The following SFXN2 variants were observed in gnomAD, a reference collection of about 807,000 sequenced individuals.
SFXN2 encodes sideroflexin-2.
SFXN2 carries 37 observed loss-of-function variants against 41.9 expected under a neutral mutation model. That is an observed-to-expected ratio of 0.88 (90% CI 0.68 to 1.16). The LOEUF is 1.16. Among genes scored for constraint, SFXN2 ranks in the 50% most tolerant of loss-of-function variants. SFXN2 has a pLI of 0.00. For missense variants in SFXN2, 386 were observed against 425.2 expected (o/e 0.91, Z 0.81); for synonymous variants, 150 against 156.7 (o/e 0.96, Z 0.32).
chr10:102,740,334 C>T lies in SFXN2; in HGVS notation c.*2572C>T, dbSNP rs1249646665. 6.6e-6 allele frequency: 1 copy of T among 152,188 alleles called. No individual in the cohort carries two copies. The highest frequency in any genetic ancestry group is 1.5e-5 in the Non-Finnish European group (1 of 68,056). The allele number at this position is 152,188 out of a possible 1,614,324, so 9.4% of individuals were successfully genotyped here. The stretch of plus-strand genomic sequence containing the variant: ...CAATCACTGCTCATTGCAGCCTCAA[C>T]CTCCTGAGCTCAAGTAATCCTCCTG... On this transcript the variant is annotated 3_prime_UTR_variant, in exon 12 of 12. Coordinates refer to ENST00000369893, the MANE Select transcript of SFXN2 (RefSeq NM_178858.6).
rs964464686 is a variant in SFXN2 at position 102,739,303 on chromosome 10, G to T, written c.*1541G>T. On this transcript the variant is annotated 3_prime_UTR_variant, in exon 12 of 12. Transcript: ENST00000369893. ...ACTATATAAGGGGAACTTGTCTGAT[G>T]CCTGGAGGCTGTTGTTTATTTCCCT... 2 of 152,074 alleles carry T rather than the reference G, an allele frequency of 1.3e-5. No individual in the cohort carries two copies. The highest frequency in any genetic ancestry group is 1.3e-4 in the Admixed American group (2 of 15,260). The allele number at this position is 152,074 out of a possible 1,614,324, so 9.4% of individuals were successfully genotyped here.
chr10:102,735,058 C>G (rs1050598124), intron 10 of SFXN2, among the ~76,000 whole-genome samples: 2 of 151,862 alleles, frequency 1.3e-5, no homozygotes, highest in African/African-American at 2.4e-5. Context: ...CACTCCTCCC[C>G]CTCCATAGTG....
intron 1 of SFXN2, among the ~76,000 whole-genome samples, chr10:102,725,426 G>A (rs2265736): frequency 1 from 152,102 of 152,376 alleles, 75,914 homozygotes; most frequent in East Asian, 1. Flanking sequence ...AGACCTTGTT[G>A]AGAAGAATAA....
chr10:102,737,772 T>A lies in SFXN2; in HGVS notation c.*10T>A. The A allele has an allele frequency of 6.3e-7, 1 of 1,580,104 alleles. No individual in the cohort carries two copies. Among genetic ancestry groups the A allele is most frequent in the Non-Finnish European group, 8.7e-7 (1 of 1,149,620 alleles). On this transcript the variant is annotated 3_prime_UTR_variant, in exon 12 of 12. Transcript: ENST00000369893. Reference sequence around the variant, plus strand: ...CAATAAGGGTCTCTAAATGCCCCACTTCAGCAAGGACCAGTCTATTCCCAT... The same window carrying A: ...CAATAAGGGTCTCTAAATGCCCCACATCAGCAAGGACCAGTCTATTCCCAT...
intron 6 of SFXN2, 116 bp downstream of exon 6, chr10:102,729,924 G>A: frequency 1.7e-6 from 2 of 1,145,736 alleles, no homozygotes; most frequent in Non-Finnish European, 2.5e-6. Context: ...GGGCTGCTGG[G>A]CTGAGCCTCT....
Position 102,732,158 on chromosome 10 carries a change from G to A in SFXN2, c.661G>A (p.Ala221Thr). 6.2e-7 allele frequency: 1 copy of A among 1,613,878 alleles called. No individual in the cohort carries two copies. The highest frequency in any genetic ancestry group is 1.3e-5 in the African/African-American group (1 of 75,042). ...ENEIGHSRRA[A>T]AIGITQVVIS... ...TACTATTTTCTGCCCTCAGAGAGCT[G>A]CGGCCATAGGCATCACCCAAGTAGT... is the stretch of plus-strand genomic sequence containing the variant. Residue 221 changes from alanine (A) to threonine (T), a missense_variant, in exon 8 of 12, where the codon GCG becomes ACG. Coordinates refer to ENST00000369893, the MANE Select transcript of SFXN2 (RefSeq NM_178858.6).
chr10:102,721,002 C>G lies in SFXN2; in HGVS notation c.-25-5610C>G, dbSNP rs1013806148. Among the ~76,000 whole-genome samples the G allele has an allele frequency of 3.3e-5, 5 of 152,090 alleles. No homozygotes were observed. In the South Asian group the frequency reaches 8.3e-4, roughly 25 times the overall value. On this transcript the variant is annotated intron_variant, in intron 1 of 11. Transcript: ENST00000369893. ...TGGCCTGACCTAATCAGGTGGAAGCCCTTTAAAGGAGGGCTAGAACACCCC... is the reference window on the plus strand; with the variant it reads ...TGGCCTGACCTAATCAGGTGGAAGCGCTTTAAAGGAGGGCTAGAACACCCC...
Position 102,729,723 on chromosome 10 carries a change from A to G in SFXN2, c.508A>G (p.Lys170Glu). The change falls in exon 6 of 12, where the codon AAA becomes GAA. Residue 170 changes from lysine to glutamate, a missense_variant and splice_region_variant. Lys to Glu is a moderately conservative substitution (Grantham distance 56, BLOSUM62 1). Coordinates refer to ENST00000369893, the MANE Select transcript of SFXN2 (RefSeq NM_178858.6). ...TCCTACTGTTCTCTTCCCCCAACAGAAAGCGCCGCCCTTGGTGGGCCGCTG... is the reference window on the plus strand; with the variant it reads ...TCCTACTGTTCTCTTCCCCCAACAGGAAGCGCCGCCCTTGGTGGGCCGCTG... The part of the protein sequence containing the change: ...TAVGMNMLTK[K>E]APPLVGRWVP... 2 of 1,613,932 alleles carry G rather than the reference A, an allele frequency of 1.2e-6. No individual in the cohort carries two copies. The highest frequency in any genetic ancestry group is 1.7e-6 in the Non-Finnish European group (2 of 1,180,022).
chr10:102,737,531 T>C (rs888236133), intron 11 of SFXN2, 132 bp from the exon 12 acceptor site: 9 of 613,066 alleles, frequency 1.5e-5, no homozygotes, highest in African/African-American at 3.7e-5. Context: ...TAAAGCAACA[T>C]TGTGGTATAC....
chr10:102,735,469 T>A (rs1189920920), intron 10 of SFXN2, among the ~76,000 whole-genome samples: 1 of 148,162 alleles, frequency 6.7e-6, no homozygotes, highest in African/African-American at 2.5e-5. Flanking sequence ...GCTCCTCCCC[T>A]CCATGTCGCT....
chr10:102,721,764 C>A (rs958885237), intron 1 of SFXN2, among the ~76,000 whole-genome samples: 1 of 152,004 alleles, frequency 6.6e-6, no homozygotes, highest in African/African-American at 2.4e-5. Context: ...CCAAGGCAGG[C>A]AGATTGCTTG....
intron 3 of SFXN2, 75 bp downstream of exon 3, chr10:102,727,232 A>T: frequency 2.1e-6 from 3 of 1,442,412 alleles, no homozygotes; most frequent in Non-Finnish European, 2.8e-6. Flanking sequence ...CTATGATAAT[A>T]ATAATAGTTC....
rs767014854 is a variant in SFXN2, at chr10:102,737,695, T to C, written c.902T>C (p.Leu301Pro). The change falls in exon 12 of 12, where the codon CTC becomes CCC. Residue 301 changes from leucine (L) to proline (P), a missense_variant. By Grantham distance (98) the Leu-to-Pro change is moderately conservative. Coordinates refer to ENST00000369893, the MANE Select transcript of SFXN2 (RefSeq NM_178858.6). ...ELPVSYLEPKLQDTIKAKYGE... is the reference protein window; with the variant it reads ...ELPVSYLEPKPQDTIKAKYGE... ...CCAGTTTCCTATCTGGAACCGAAGC[T>C]CCAAGACACTATCAAGGCCAAGTAT... is the stretch of plus-strand genomic sequence containing the variant. The C allele has an allele frequency of 6.2e-7, 1 of 1,613,278 alleles. No individual in the cohort carries two copies. The highest frequency in any genetic ancestry group is 1.1e-5 in the South Asian group (1 of 91,028).
chr10:102,735,715 A>C, intron 10 of SFXN2, 147 bp from the exon 11 acceptor site: 2 of 779,396 alleles, frequency 2.6e-6, no homozygotes, highest in Non-Finnish European at 4.6e-6. Context: ...CACTGCGGGA[A>C]CAGGAGGAGG....
intron 7 of SFXN2, 122 bp downstream of exon 7, chr10:102,731,905 C>A: frequency 1.1e-6 from 1 of 877,170 alleles, no homozygotes. Flanking sequence ...TCCATCCTCA[C>A]TCCCTATCAA....
chr10:102,733,119 T>A (rs1291540466), intron 9 of SFXN2, among the ~76,000 whole-genome samples: 1 of 152,144 alleles, frequency 6.6e-6, no homozygotes, highest in Non-Finnish European at 1.5e-5. Context: ...CAAGGCCTTC[T>A]TTAAGGGCCA....
intron 10 of SFXN2, among the ~76,000 whole-genome samples, chr10:102,735,523 CCCT>C (rs1474706348): frequency 6.6e-6 from 1 of 152,150 alleles, no homozygotes; most frequent in Non-Finnish European, 1.5e-5. Context: ...TTTCTCCTCT[CCCT>C]CCTCGTCGCT....
rs1300165467 is a variant in SFXN2 at position 102,741,667 on chromosome 10, A to G, written c.*3905A>G. On this transcript the variant is annotated 3_prime_UTR_variant, in exon 12 of 12. Transcript: ENST00000369893. ...CAATCCTCATGCCTTGGCCTCCCAA[A>G]GTGTTGGGATTACAGGCGTGAGCCA... 6.6e-6 allele frequency: 1 copy of G among 152,262 alleles called. No homozygotes were observed. The highest frequency in any genetic ancestry group is 1.5e-5 in the Non-Finnish European group (1 of 68,066). The allele number at this position is 152,262 out of a possible 1,614,324, so 9.4% of individuals were successfully genotyped here.
rs1332275569 is a variant in SFXN2 at position 102,726,834 on chromosome 10, A to G, written c.161+37A>G. 4 of 1,611,590 alleles carry G rather than the reference A, an allele frequency of 2.5e-6. No homozygotes were observed. In the Admixed American group the frequency reaches 5.0e-5, roughly 20 times the overall value. On this transcript the variant is annotated intron_variant, in intron 2 of 11. Transcript: ENST00000369893. ...GGGAAGGGGCTGGAAGTAGTAGGGTAACATTGATGGGGTCCTCTTGGGAGG... is the reference window on the plus strand; with the variant it reads ...GGGAAGGGGCTGGAAGTAGTAGGGTGACATTGATGGGGTCCTCTTGGGAGG...
Sources: allele counts gnomAD v4.1 joint callset (sites outside exome capture counted in the v4.1 genomes callset), GRCh38; gene constraint gnomAD v4.1.1; transcripts MANE v1.5; gene names NCBI Gene and HGNC (gene_info 2026-07-23, HGNC 2026-07-21).